The following CCDC60 variants were observed in gnomAD, a reference collection of about 807,000 sequenced individuals.
CCDC60 encodes coiled-coil domain containing 60.
CCDC60 carries 54 observed loss-of-function variants against 63.5 expected under a neutral mutation model. That is an observed-to-expected ratio of 0.85 (90% confidence interval 0.68 to 1.07). The LOEUF is 1.07. Among genes scored for constraint, CCDC60 ranks in the 50% least tolerant of loss-of-function variants. The pLI is 0.00. For missense variants in CCDC60, 651 were observed against 684.3 expected, an observed-to-expected ratio of 0.95 and a Z score of 0.54; for synonymous variants, 206 against 238.8, an observed-to-expected ratio of 0.86 and a Z score of 1.27.
chr12:119,405,220 A>T (rs1956465849), intron 1 of CCDC60, among the ~76,000 whole-genome samples: 1 of 152,108 alleles, frequency 6.6e-6, no homozygotes, highest in Non-Finnish European at 1.5e-5. Flanking sequence ...ACAAGCCTGA[A>T]CCCCAATTGG....
chr12:119,489,621 T>C (rs1195948015), intron 5 of CCDC60, among the ~76,000 whole-genome samples: 2 of 151,768 alleles, frequency 1.3e-5, no homozygotes, highest in Admixed American at 1.3e-4. Flanking sequence ...TTAAGAAGGG[T>C]CAGGTTGTTT....
At position 119,433,282 on chromosome 12, in the gene CCDC60, A is replaced by T; in HGVS notation, c.170+4520A>T. ...TTATTAATAAAAGGTGATACAGGCA[A>T]CAGTTGTTCTGCCACTCTTCAGTTG... On this transcript the variant is annotated intron_variant, in intron 2 of 13. Transcript: ENST00000327554. 25 of 637,466 alleles carry T rather than the reference A, an allele frequency of 3.9e-5. 1 individual carries two copies. The South Asian group carries it at 4.0e-4, about 10-fold the overall frequency. 39.5% of individuals were successfully genotyped at this position (637,466 alleles called of 1,614,324 possible).
chr12:119,422,298 A>G (rs984111040), intron 1 of CCDC60, among the ~76,000 whole-genome samples: 25 of 152,346 alleles, frequency 1.6e-4, no homozygotes, highest in Admixed American at 7.8e-4. Context: ...GTTGGGAGTC[A>G]TCACAGAGCA....
chr12:119,449,396 G>GA (rs1201829694), intron 2 of CCDC60, among the ~76,000 whole-genome samples: 2 of 151,932 alleles, frequency 1.3e-5, no homozygotes, highest in African/African-American at 4.8e-5. Flanking sequence ...TTCCTAGCTG[G>GA]AAAAAAATAT....
intron 2 of CCDC60, among the ~76,000 whole-genome samples, chr12:119,465,895 T>C (rs1434039696): frequency 6.6e-6 from 1 of 152,206 alleles, no homozygotes; most frequent in Non-Finnish European, 1.5e-5. Flanking sequence ...TTTTACAGAG[T>C]TTGGTTTTAT....
chr12:119,477,168 GGCAGCTGAATGCTGAGTGAGCATC>G (rs1289090366), intron 3 of CCDC60, among the ~76,000 whole-genome samples: 1 of 152,204 alleles, frequency 6.6e-6, no homozygotes, highest in African/African-American at 2.4e-5. Context: ...CCCACAGCAT[GGCAGCTGAATGCTGAGTGAGCATC>G]CCAGGACACA....
chr12:119,525,785 A>T (rs558427245), intron 11 of CCDC60, among the ~76,000 whole-genome samples: 25 of 152,352 alleles, frequency 1.6e-4, no homozygotes, highest in African/African-American at 5.5e-4. Flanking sequence ...ATGGAAAAAC[A>T]TCCCATGCTC....
chr12:119,434,292 G>C (rs1950287828), intron 2 of CCDC60, among the ~76,000 whole-genome samples: 1 of 150,690 alleles, frequency 6.6e-6, no homozygotes, highest in African/African-American at 2.4e-5. Flanking sequence ...TTTTTTGGCA[G>C]GGGGGTTAGG....
chr12:119,481,598 C>CT (rs141610170), intron 4 of CCDC60, among the ~76,000 whole-genome samples: 16,792 of 151,494 alleles, frequency 0.11, 1,326 homozygotes, highest in Non-Finnish European at 0.17. Flanking sequence ...CAACAGGAAT[C>CT]TTTTTTTTTA....
At chr12:119,353,598 C>CTTTTT (rs71072514) in intron 1 of CCDC60, among the ~76,000 whole-genome samples, 53 of 68,244 alleles carry the variant, frequency 7.8e-4, no homozygotes, top group Non-Finnish European at 1.1e-3. Flanking sequence ...TCTTCTTCTT[C>CTTTTT]TTTTTTTTTT....
At chr12:119,445,199 C>T (rs986329241) in intron 2 of CCDC60, among the ~76,000 whole-genome samples, 37 of 151,794 alleles carry the variant, frequency 2.4e-4, no homozygotes, top group African/African-American at 8.5e-4. Context: ...TTTGGGAGGC[C>T]GAGGTGGGTG....
chr12:119,370,502 G>A (rs1955886649), intron 1 of CCDC60, among the ~76,000 whole-genome samples: 1 of 152,230 alleles, frequency 6.6e-6, no homozygotes, highest in South Asian at 2.1e-4. Context: ...ATGGATGGAT[G>A]AGAGAAGGTT....
intron 1 of CCDC60, among the ~76,000 whole-genome samples, chr12:119,424,631 T>C (rs1223569587): frequency 6.6e-6 from 1 of 152,252 alleles, no homozygotes; most frequent in Admixed American, 6.5e-5. Context: ...AACTTTTTAA[T>C]CTACTATTTA....
chr12:119,422,334 G>A lies in CCDC60; in HGVS notation c.91-6349G>A, dbSNP rs117392265. 7.2e-5 allele frequency among the ~76,000 whole-genome samples: 11 copies of A among 152,262 alleles called. No individual in the cohort carries two copies. In the South Asian group the frequency reaches 8.3e-4, roughly 11 times the overall value. ...CCAAACAAAGGATATCTGCAGAGAC[G>A]GTGTATTAGTCCATTCTCACACTGC... On this transcript the variant is annotated intron_variant, in intron 1 of 13. Coordinates refer to ENST00000327554, the MANE Select transcript of CCDC60 (RefSeq NM_178499.5).
intron 1 of CCDC60, among the ~76,000 whole-genome samples, 159 bp from the exon 2 acceptor site, chr12:119,428,524 G>A (rs1431576348): frequency 6.6e-6 from 1 of 152,074 alleles, no homozygotes; most frequent in Non-Finnish European, 1.5e-5. Context: ...GTATCACACA[G>A]CAGCCCCCTC....
chr12:119,485,023 G>T (rs138551256), intron 4 of CCDC60, among the ~76,000 whole-genome samples: 1,822 of 152,310 alleles, frequency 0.012, 17 homozygotes, highest in Non-Finnish European at 0.017. Flanking sequence ...AGCAATCAAG[G>T]AAGGCTTCCG....
In CCDC60 at chr12:119,468,202, G is replaced by T. The variant is rs534347899; in HGVS notation, c.171-3792G>T. ...AGCTACGCAGGAGGCTGAGGCAGGA[G>T]AATTGCTTGAACCCAAGAGGTGGGG... On this transcript the variant is annotated intron_variant, in intron 2 of 13. Transcript: ENST00000327554. Among the ~76,000 whole-genome samples, 24 of 152,162 alleles carry T rather than the reference G, an allele frequency of 1.6e-4. 1 individual carries two copies. The highest frequency in any genetic ancestry group is 4.1e-4 in the South Asian group (2 of 4,830).
intron 7 of CCDC60, among the ~76,000 whole-genome samples, chr12:119,507,120 G>A (rs909636096): frequency 6.6e-6 from 1 of 152,144 alleles, no homozygotes; most frequent in African/African-American, 2.4e-5. Context: ...GCTGGGCTGA[G>A]TGACAAGGAT....
At chr12:119,396,601 C>A (rs1400665068) in intron 1 of CCDC60, among the ~76,000 whole-genome samples, 4 of 152,118 alleles carry the variant, frequency 2.6e-5, no homozygotes, top group African/African-American at 4.8e-5. Context: ...CAAATTGGGC[C>A]AGACACAGGA....
Sources: gnomAD v4.1 joint callset for allele counts (sites outside exome capture counted in the v4.1 genomes callset) on GRCh38, gnomAD v4.1.1 for gene constraint, MANE v1.5 for transcripts, NCBI Gene and HGNC (gene_info 2026-07-23, HGNC 2026-07-21) for gene names.